Variants in WARS2 observed in about 807,000 individuals in gnomAD.
WARS2 encodes the protein tryptophanyl tRNA synthetase 2, mitochondrial.
A neutral mutation model predicts 36.5 loss-of-function variants in WARS2; 28 were observed. The ratio of observed to expected loss-of-function variants is 0.77; its 90% CI spans 0.57 to 1.05. The LOEUF (loss-of-function observed/expected upper bound fraction) is 1.05, where lower values mean the gene tolerates loss of function less well. Ranked by LOEUF, WARS2 falls within the 50% of genes least tolerant of loss-of-function variation. WARS2 has a pLI of 0.00. For synonymous variants in WARS2, 174 were observed against 178.4 expected, an observed-to-expected ratio of 0.98 and a Z score of 0.20; for missense variants, 435 against 456.8, an observed-to-expected ratio of 0.95 and a Z score of 0.44.
At chr1:119,066,499 A>AG (rs1650884137) in intron 2 of WARS2, among the ~76,000 whole-genome samples, 1 of 150,034 alleles carries the variant, frequency 6.7e-6, no homozygotes, top group Non-Finnish European at 1.5e-5. Context: ...AAAAAAAAAA[A>AG]GACAAGCTAC....
rs775009416 is a variant in WARS2, at chr1:119,034,221, A to G, written c.516-8T>C. ...ACAGGAACGTGTGTGGACCTTTAAT[A>G]AAAGACAGACAGAAAAACAACAGCA... On this transcript the variant is annotated splice_polypyrimidine_tract_variant and splice_region_variant and intron_variant, in intron 4 of 5. Coordinates refer to ENST00000235521, the MANE Select transcript of WARS2 (RefSeq NM_015836.4). The G allele has an allele frequency of 3.7e-6, 6 of 1,610,252 alleles. No homozygotes were observed. The South Asian group carries it at 4.4e-5, about 12-fold the overall frequency.
At chr1:119,042,121 C>A in intron 4 of WARS2, 143 bp downstream of exon 4, 1 of 608,498 alleles carries the variant, frequency 1.6e-6, no homozygotes, top group East Asian at 2.8e-5. Flanking sequence ...TGTAGTATTT[C>A]TGGGGAATAG....
chr1:119,113,984 G>A (rs1356270772), intron 1 of WARS2, among the ~76,000 whole-genome samples: 2 of 152,074 alleles, frequency 1.3e-5, no homozygotes, highest in African/African-American at 4.8e-5. Flanking sequence ...AACAACAGTA[G>A]TAAATATACA....
intron 1 of WARS2, among the ~76,000 whole-genome samples, chr1:119,106,689 A>G (rs966905839): frequency 1.3e-5 from 2 of 152,164 alleles, no homozygotes; most frequent in African/African-American, 4.8e-5. Flanking sequence ...GTCTGGATGT[A>G]CCACAGTTTA....
intron 1 of WARS2, among the ~76,000 whole-genome samples, chr1:119,098,506 C>G (rs896309694): frequency 2.0e-5 from 3 of 152,008 alleles, no homozygotes; most frequent in African/African-American, 7.2e-5. Context: ...GGCACGATCT[C>G]GGCTCACTGC....
intron 1 of WARS2, among the ~76,000 whole-genome samples, chr1:119,107,442 G>T (rs1654318118): frequency 6.7e-6 from 1 of 149,474 alleles, no homozygotes; most frequent in Admixed American, 6.6e-5. Flanking sequence ...GATCCATTTT[G>T]ATTTAAGTGA....
rs1225631360 is a variant in WARS2 at position 119,120,554 on chromosome 1, A to G, written c.90+20001T>C. ...ATCCTCCCTAAATCATTCTATGAAA[A>G]CATCATTACCCTAATACCAAAACCA... On this transcript the variant is annotated intron_variant, in intron 1 of 5. Transcript: ENST00000235521. Among the ~76,000 whole-genome samples, 5 of 152,024 alleles carry G rather than the reference A, an allele frequency of 3.3e-5. No homozygotes were observed. In the East Asian group the frequency reaches 7.7e-4, roughly 23 times the overall value.
chr1:119,032,776 T>C lies in WARS2; in HGVS notation c.*135A>G. 1 of 822,328 alleles carries C rather than the reference T, an allele frequency of 1.2e-6. No individual in the cohort carries two copies. The highest frequency in any genetic ancestry group is 1.9e-5 in the South Asian group (1 of 53,452). 50.9% of individuals were successfully genotyped at this position (822,328 alleles called of 1,614,324 possible). On this transcript the variant is annotated 3_prime_UTR_variant, in exon 6 of 6. Transcript: ENST00000235521. ...TTTCAAAGCTACAAAGCAATATTCA[T>C]CAAATAAAGCCAATAATCAGCTATA... is the stretch of plus-strand genomic sequence containing the variant.
chr1:119,066,042 T>C (rs1650815203), intron 2 of WARS2, among the ~76,000 whole-genome samples: 1 of 152,036 alleles, frequency 6.6e-6, no homozygotes, highest in Admixed American at 6.5e-5. Context: ...AGAACAGCTT[T>C]ATCACACTAG....
At chr1:119,081,743 A>T (rs587728793) in intron 1 of WARS2, among the ~76,000 whole-genome samples, 1 of 152,280 alleles carries the variant, frequency 6.6e-6, no homozygotes, top group Non-Finnish European at 1.5e-5. Flanking sequence ...CTACTATTTC[A>T]ATCCTACATT....
chr1:119,082,344 C>T lies in WARS2; in HGVS notation c.91-5737G>A, dbSNP rs17023211. The T allele has an allele frequency of 4.9e-3, 4,823 of 985,336 alleles. 173 individuals carry two copies. The African/African-American group carries it at 0.075, about 15-fold the overall frequency. The allele number at this position is 985,336 out of a possible 1,614,324, so 61.0% of individuals were successfully genotyped here. On this transcript the variant is annotated intron_variant, in intron 1 of 5. Coordinates refer to ENST00000235521, the MANE Select transcript of WARS2 (RefSeq NM_015836.4). Reference sequence around the variant, plus strand: ...CCTTACACGTGCTGTACCTACCATCCTTCTATCATGTGATGGAATGCTTTT... The same window carrying T: ...CCTTACACGTGCTGTACCTACCATCTTTCTATCATGTGATGGAATGCTTTT...
Position 119,034,189 on chromosome 1 carries a change from C to A in WARS2, c.540G>T (p.Glu180Asp), listed in dbSNP as rs757065961. The A allele has an allele frequency of 1.2e-6, 2 of 1,613,862 alleles. No homozygotes were observed. Among genetic ancestry groups the A allele is most frequent in the African/African-American group, 2.7e-5 (2 of 74,918 alleles). ...CTAGTTCCATGTGCTGGACTTGATC[C>A]TCCCCAACAGGAACGTGTGTGGACC... ...LYKSTHVPVG[E>D]DQVQHMELVQ... Residue 180 changes from glutamate to aspartate, a missense_variant, in exon 5 of 6, where the codon GAG becomes GAT. Transcript: ENST00000235521.
chr1:119,122,847 G>C (rs942160793), intron 1 of WARS2, among the ~76,000 whole-genome samples: 3 of 152,100 alleles, frequency 2.0e-5, no homozygotes, highest in Non-Finnish European at 4.4e-5. Flanking sequence ...AGACACAATG[G>C]CATAAGAATG....
chr1:119,056,088 G>C (rs532181295), intron 2 of WARS2, among the ~76,000 whole-genome samples: 1 of 146,022 alleles, frequency 6.8e-6, no homozygotes, highest in Non-Finnish European at 1.5e-5. Flanking sequence ...GTGTGACCTT[G>C]GCTCACTGCA....
At chr1:119,121,640 C>A (rs587764766) in intron 1 of WARS2, among the ~76,000 whole-genome samples, 1 of 152,190 alleles carries the variant, frequency 6.6e-6, no homozygotes, top group East Asian at 1.9e-4. Context: ...CAGCTTCAAA[C>A]TATACTACAA....
At position 119,086,041 on chromosome 1, in the gene WARS2, G is replaced by T. The variant is rs376496976; in HGVS notation, c.91-9434C>A. On this transcript the variant is annotated intron_variant, in intron 1 of 5. Coordinates refer to ENST00000235521, the MANE Select transcript of WARS2 (RefSeq NM_015836.4). ...CCCTGGCTAATTTTTTAAATTTCTCGTAGAGGCAAGGTCTTGCTATCTTGC... is the reference window on the plus strand; with the variant it reads ...CCCTGGCTAATTTTTTAAATTTCTCTTAGAGGCAAGGTCTTGCTATCTTGC... 6.1e-5 allele frequency: 85 copies of T among 1,387,072 alleles called. No homozygotes were observed. The East Asian group carries it at 7.3e-4, about 12-fold the overall frequency. The allele number at this position is 1,387,072 out of a possible 1,614,324, so 85.9% of individuals were successfully genotyped here.
At chr1:119,058,980 G>T (rs1571294802) in intron 2 of WARS2, among the ~76,000 whole-genome samples, 2 of 152,180 alleles carry the variant, frequency 1.3e-5, no homozygotes, top group Middle Eastern at 6.8e-3. Flanking sequence ...GTTGTTTCCT[G>T]AATTTTTAAT....
intron 1 of WARS2, chr1:119,085,706 G>A: frequency 6.7e-7 from 1 of 1,491,972 alleles, no homozygotes. Flanking sequence ...GGTCTTCATA[G>A]CAGAGGAAAC....
At chr1:119,051,257 C>A (rs980333277) in intron 2 of WARS2, among the ~76,000 whole-genome samples, 1 of 152,104 alleles carries the variant, frequency 6.6e-6, no homozygotes, top group Non-Finnish European at 1.5e-5. Context: ...TCATTTAGCT[C>A]CCACTTATAA....
Sources: allele counts gnomAD v4.1 joint callset (sites outside exome capture counted in the v4.1 genomes callset), GRCh38; gene constraint gnomAD v4.1.1; transcripts MANE v1.5; gene names NCBI Gene and HGNC (gene_info 2026-07-23, HGNC 2026-07-21).